The following LCORL variants were observed in gnomAD, a reference collection of about 807,000 sequenced individuals.
LCORL encodes the protein ligand dependent nuclear receptor corepressor like.
Under a neutral mutation model 141.8 loss-of-function variants are expected in LCORL, and 41 were observed. The observed-to-expected ratio is 0.29, with a 90% confidence interval of 0.23 to 0.38. LCORL has a LOEUF of 0.38. Among genes scored for constraint, LCORL ranks in the 10% least tolerant of loss-of-function variants. LCORL has a pLI of 1.00. For synonymous variants in LCORL, 618 were observed against 694.1 expected, an observed-to-expected ratio of 0.89 and a Z score of 1.72; for missense variants, 1,759 against 2,035.0, an observed-to-expected ratio of 0.86 and a Z score of 2.61.
chr4:17,873,307 T>C, intron 7 of LCORL, 81 bp downstream of exon 7: 1 of 905,038 alleles, frequency 1.1e-6, no homozygotes, highest in Non-Finnish European at 1.5e-6. Flanking sequence ...TAAAACTGCA[T>C]CAGCTGTTCC....
chr4:18,004,847 C>T (rs1262362361), intron 1 of LCORL, among the ~76,000 whole-genome samples: 2 of 152,050 alleles, frequency 1.3e-5, no homozygotes, highest in African/African-American at 4.8e-5. Context: ...TAAATAGAGC[C>T]ATCCCAAATG....
intron 7 of LCORL, among the ~76,000 whole-genome samples, chr4:17,856,109 A>T (rs190593807): frequency 1.2e-4 from 19 of 152,328 alleles, no homozygotes; most frequent in South Asian, 2.1e-4. Flanking sequence ...TATGGCTTCT[A>T]GTGCTTTTAC....
At chr4:17,910,289 A>G (rs1732315058) in intron 4 of LCORL, among the ~76,000 whole-genome samples, 1 of 152,180 alleles carries the variant, frequency 6.6e-6, no homozygotes, top group Admixed American at 6.5e-5. Context: ...TTACACACAC[A>G]TTTCTGGTTT....
intron 4 of LCORL, among the ~76,000 whole-genome samples, chr4:17,917,920 C>T (rs758935917): frequency 1.7e-4 from 26 of 150,896 alleles, no homozygotes; most frequent in African/African-American, 3.0e-4. Flanking sequence ...CCTTCCTTTG[C>T]GCTGAAGTTA....
intron 4 of LCORL, among the ~76,000 whole-genome samples, chr4:17,945,068 G>A (rs1371202892): frequency 6.6e-6 from 1 of 152,090 alleles, no homozygotes; most frequent in Non-Finnish European, 1.5e-5. Flanking sequence ...CACACCCTCT[G>A]CAAGAATTAT....
intron 7 of LCORL, among the ~76,000 whole-genome samples, chr4:17,860,317 A>G (rs1420452797): frequency 1.3e-5 from 2 of 152,210 alleles, no homozygotes; most frequent in Non-Finnish European, 2.9e-5. Flanking sequence ...ACAGTTTCAC[A>G]TGGCTGGGGA....
At chr4:18,012,871 C>A (rs551934092) in intron 1 of LCORL, among the ~76,000 whole-genome samples, 1 of 152,156 alleles carries the variant, frequency 6.6e-6, no homozygotes, top group South Asian at 2.1e-4. Flanking sequence ...TAAATGGTAA[C>A]GCCCATCTAA....
At chr4:17,890,456 T>C (rs1728911597) in intron 5 of LCORL, among the ~76,000 whole-genome samples, 1 of 152,106 alleles carries the variant, frequency 6.6e-6, no homozygotes, top group Non-Finnish European at 1.5e-5. Flanking sequence ...AGAAATACTT[T>C]AGTTCCTTAA....
chr4:17,881,528 C>A (rs1295257660), intron 6 of LCORL: 1 of 896,464 alleles, frequency 1.1e-6, no homozygotes, highest in Non-Finnish European at 1.3e-6. Flanking sequence ...TAAAATGCTG[C>A]AAATTAACTA....
intron 1 of LCORL, among the ~76,000 whole-genome samples, chr4:18,003,026 T>C (rs1222979227): frequency 2.6e-5 from 4 of 152,188 alleles, no homozygotes; most frequent in Non-Finnish European, 5.9e-5. Context: ...ACAATACATA[T>C]TTTTTTAAAT....
chr4:17,940,203 T>C (rs116029523), intron 4 of LCORL, among the ~76,000 whole-genome samples: 2,679 of 147,486 alleles, frequency 0.018, 76 homozygotes, highest in African/African-American at 0.063. Context: ...CACACACATA[T>C]ACAGGTAGAT....
Position 17,962,725 on chromosome 4 carries a change from AGAGT to A in LCORL, c.300+241_300+244del, listed in dbSNP as rs905426364. 5.3e-5 allele frequency among the ~76,000 whole-genome samples: 8 copies of A among 152,074 alleles called. No homozygotes were observed. The South Asian group carries it at 1.7e-3, about 32-fold the overall frequency. On this transcript the variant is annotated intron_variant, in intron 3 of 7. Transcript: ENST00000635767. ...TAAACTTAATGAGTCAGGGTAAGTAAGAGTAAGAAAGAAATGTGAAATAAATAAG... is the reference window on the plus strand; with the variant it reads ...TAAACTTAATGAGTCAGGGTAAGTAAAAGAAAGAAATGTGAAATAAATAAG...
intron 4 of LCORL, among the ~76,000 whole-genome samples, chr4:17,948,637 G>A (rs1739256951): frequency 6.6e-6 from 1 of 151,996 alleles, no homozygotes; most frequent in African/African-American, 2.4e-5. Flanking sequence ...AGAGCCTGAA[G>A]CTTAAGGTTG....
At chr4:17,943,617 T>C (rs1046492672) in intron 4 of LCORL, among the ~76,000 whole-genome samples, 1 of 152,216 alleles carries the variant, frequency 6.6e-6, no homozygotes, top group Non-Finnish European at 1.5e-5. Flanking sequence ...ACCACTGATA[T>C]GCGCTGCAAA....
intron 1 of LCORL, among the ~76,000 whole-genome samples, chr4:18,001,476 T>C (rs1721948725): frequency 6.6e-6 from 1 of 152,154 alleles, no homozygotes; most frequent in Non-Finnish European, 1.5e-5. Context: ...CTAAGGTCAA[T>C]GGAGGAACCA....
Position 18,021,815 on chromosome 4 carries a change from A to AGCCCTCGGCGCGAGCCCCGGAGCGCGC in LCORL, c.-91_-65dup, listed in dbSNP as rs1407303995. On this transcript the variant is annotated 5_prime_UTR_variant, in exon 1 of 8. Transcript: ENST00000635767. The surrounding 1 kb of genome is among the most constrained non-coding windows in gnomAD (Gnocchi z 5.5). ...AGCGCAGGCACGAGGCAGGGGCGCG[A>AGCCCTCGGCGCGAGCCCCGGAGCGCGC]GCCCTCGGCGCGAGCCCCGGAGCGC... 1 of 1,306,924 alleles carries AGCCCTCGGCGCGAGCCCCGGAGCGCGC rather than the reference A, an allele frequency of 7.7e-7. No individual in the cohort carries two copies. Among genetic ancestry groups the AGCCCTCGGCGCGAGCCCCGGAGCGCGC allele is most frequent in the African/African-American group, 1.6e-5 (1 of 64,242 alleles). 81.0% of individuals were successfully genotyped at this position (1,306,924 alleles called of 1,614,324 possible). A position where few individuals can be genotyped will look rare whatever the true frequency, so the allele number is the denominator to read the frequency against.
intron 4 of LCORL, among the ~76,000 whole-genome samples, chr4:17,951,048 C>T (rs1739645638): frequency 6.6e-6 from 1 of 152,122 alleles, no homozygotes; most frequent in African/African-American, 2.4e-5. Flanking sequence ...ATGGATGAAC[C>T]TCAGGCATCT....
intron 4 of LCORL, among the ~76,000 whole-genome samples, chr4:17,943,079 C>A (rs999804555): frequency 6.6e-6 from 1 of 152,190 alleles, no homozygotes; most frequent in Non-Finnish European, 1.5e-5. Flanking sequence ...TTCTACGAAA[C>A]CTGTCCCTGG....
intron 6 of LCORL, among the ~76,000 whole-genome samples, chr4:17,878,693 C>T (rs1299463806): frequency 2.0e-5 from 3 of 151,154 alleles, no homozygotes; most frequent in Non-Finnish European, 4.4e-5. Context: ...TCCATAATCA[C>T]AAGGAAAATT....
Sources: allele counts gnomAD v4.1 joint callset (sites outside exome capture counted in the v4.1 genomes callset), GRCh38; gene constraint gnomAD v4.1.1; non-coding constraint Gnocchi (gnomAD v3.1); transcripts MANE v1.5; gene names NCBI Gene and HGNC (gene_info 2026-07-23, HGNC 2026-07-21).